NR4A3: variants seen among roughly 807,000 people sequenced by gnomAD.
NR4A3 encodes the protein nuclear receptor subfamily 4 group A member 3.
A neutral mutation model predicts 55.6 loss-of-function variants in NR4A3; 13 were observed. That is an observed-to-expected ratio of 0.23 (90% CI 0.15 to 0.37). NR4A3 has a LOEUF of 0.37. Among genes scored for constraint, NR4A3 ranks in the 10% least tolerant of loss-of-function variants. NR4A3 has a pLI of 1.00. For synonymous variants in NR4A3, 342 were observed against 357.9 expected (o/e 0.96, Z 0.50); for missense variants, 646 against 822.8 (o/e 0.79, Z 2.63).
chr9:99,846,954 T>C (rs1336974529), intron 6 of NR4A3, among the ~76,000 whole-genome samples: 6 of 152,192 alleles, frequency 3.9e-5, no homozygotes, highest in African/African-American at 7.2e-5. Context: ...GGCCAGGGAC[T>C]TGGTATTTTT....
intron 7 of NR4A3, among the ~76,000 whole-genome samples, chr9:99,850,874 G>A (rs1197835209): frequency 2.0e-5 from 3 of 152,166 alleles, no homozygotes; most frequent in African/African-American, 7.2e-5. Context: ...ATTCCCTCAA[G>A]TTAGGCATAT....
Position 99,828,928 on chromosome 9 carries a change from G to T in NR4A3, c.886G>T (p.Gly296Trp). 1 of 1,456,844 alleles carries T rather than the reference G, an allele frequency of 6.9e-7. No homozygotes were observed. The highest frequency in any genetic ancestry group is 2.7e-5 in the East Asian group (1 of 36,634). The allele number at this position is 1,456,844 out of a possible 1,614,324, so 90.2% of individuals were successfully genotyped here. ...SSGEGTCAVC[G>W]DNAACQHYGV... is the part of the protein sequence containing the mutation. The stretch of plus-strand genomic sequence containing the variant: ...TGGCGAGGGCACGTGTGCCGTGTGC[G>T]GGGACAACGCCGCCTGCCAGCACTA... Residue 296 changes from glycine to tryptophan, a missense_variant, in exon 3 of 8, where the codon GGG becomes TGG. Gly to Trp is a radical substitution (Grantham distance 184). Transcript: ENST00000395097. The surrounding 1 kb of genome is among the most constrained non-coding windows in gnomAD (Gnocchi z 7.7).
intron 7 of NR4A3, among the ~76,000 whole-genome samples, chr9:99,858,407 C>T (rs1228920162): frequency 6.6e-6 from 1 of 152,176 alleles, no homozygotes; most frequent in Admixed American, 6.5e-5. Flanking sequence ...GCCTGGATAG[C>T]CAAAATGCAC....
At position 99,828,821 on chromosome 9, in the gene NR4A3, G is replaced by C; in HGVS notation, c.779G>C (p.Gly260Ala). ...GCCCCGCTGGCCTTCCCGCCTCTCG[G>C]CCTCACGCCCTCCCCTACCGCGTCC... ...RAAPLAFPPL[G>A]LTPSPTASSL... Residue 260 changes from glycine to alanine, a missense_variant, in exon 3 of 8, where the codon GGC becomes GCC. Transcript: ENST00000395097. The surrounding 1 kb of genome is among the most constrained non-coding windows in gnomAD (Gnocchi z 7.7). The C allele has an allele frequency of 6.8e-7, 1 of 1,475,542 alleles. No homozygotes were observed. The allele number at this position is 1,475,542 out of a possible 1,614,324, so 91.4% of individuals were successfully genotyped here.
intron 3 of NR4A3, 98 bp downstream of exon 3, chr9:99,829,091 A>T: frequency 8.2e-7 from 1 of 1,219,368 alleles, no homozygotes; most frequent in Non-Finnish European, 1.0e-6. Flanking sequence ...CCGGTTTGAG[A>T]GCTGTAATCG....
chr9:99,845,008 A>G (rs1827728722), intron 6 of NR4A3, among the ~76,000 whole-genome samples, 160 bp downstream of exon 6: 1 of 152,210 alleles, frequency 6.6e-6, no homozygotes, highest in South Asian at 2.1e-4. Context: ...AGGGAGCACT[A>G]GGCTTGCCAC....
At chr9:99,829,435 T>C (rs1238026304) in intron 3 of NR4A3, among the ~76,000 whole-genome samples, 1 of 152,228 alleles carries the variant, frequency 6.6e-6, no homozygotes, top group East Asian at 1.9e-4. Flanking sequence ...ACATCTAAGA[T>C]TGAATTCTGG....
At chr9:99,824,878 G>A (rs550138156) in intron 1 of NR4A3, among the ~76,000 whole-genome samples, 20 of 152,182 alleles carry the variant, frequency 1.3e-4, no homozygotes, top group Non-Finnish European at 2.6e-4. Flanking sequence ...ATGTGCCCCC[G>A]CTAGGCCGCT....
At chr9:99,827,590 G>A (rs1327672591) in intron 2 of NR4A3, among the ~76,000 whole-genome samples, 1 of 152,148 alleles carries the variant, frequency 6.6e-6, no homozygotes, top group East Asian at 1.9e-4. Flanking sequence ...CCTAACTCAG[G>A]TTTACAAATC....
chr9:99,864,040 C>A lies in NR4A3; in HGVS notation c.*173C>A. The A allele has an allele frequency of 1.5e-6, 1 of 674,744 alleles. No homozygotes were observed. The highest frequency in any genetic ancestry group is 2.4e-6 in the Non-Finnish European group (1 of 423,876). The allele number at this position is 674,744 out of a possible 1,614,324, so 41.8% of individuals were successfully genotyped here. A position where few individuals can be genotyped will look rare whatever the true frequency, so the allele number is the denominator to read the frequency against. On this transcript the variant is annotated 3_prime_UTR_variant, in exon 8 of 8. Coordinates refer to ENST00000395097, the MANE Select transcript of NR4A3 (RefSeq NM_006981.4). ...GGCTCTTTTCCTTACAACCTAAAGC[C>A]AGAAAACTTGCAGAGTATTGTGTTG...
intron 5 of NR4A3, among the ~76,000 whole-genome samples, chr9:99,837,781 C>T (rs181040382): frequency 6.6e-6 from 1 of 152,100 alleles, no homozygotes; most frequent in African/African-American, 2.4e-5. Flanking sequence ...CTAGCTTCCC[C>T]CAGTGAGTCA....
Position 99,865,990 on chromosome 9 carries a change from G to A in NR4A3, c.*2123G>A, listed in dbSNP as rs1828091116. ...ACTCAAGGTCAAACAGCTGGTAACA[G>A]AATCAAGACTAAGACCTAATTTACC... is the stretch of plus-strand genomic sequence containing the variant. On this transcript the variant is annotated 3_prime_UTR_variant, in exon 8 of 8. Transcript: ENST00000395097. This position sits in a 1 kb window ranked among gnomAD's most constrained non-coding sequence, Gnocchi z 4.3. 5 of 218,976 alleles carry A rather than the reference G, an allele frequency of 2.3e-5. No homozygotes were observed. The East Asian group carries it at 3.4e-4, about 15-fold the overall frequency. The allele number at this position is 218,976 out of a possible 1,614,324, so 13.6% of individuals were successfully genotyped here.
intron 5 of NR4A3, among the ~76,000 whole-genome samples, chr9:99,842,310 GA>G (rs34939251): frequency 6.6e-6 from 1 of 152,008 alleles, no homozygotes; most frequent in Non-Finnish European, 1.5e-5. Flanking sequence ...TTCTTTCATT[GA>G]AAAAATATTC....
At chr9:99,834,910 G>C (rs1200000185) in intron 5 of NR4A3, 1 of 985,054 alleles carries the variant, frequency 1.0e-6, no homozygotes. Context: ...AATAGTGTAA[G>C]AGAATAAAGC....
At chr9:99,842,821 C>G (rs1211014665) in intron 5 of NR4A3, among the ~76,000 whole-genome samples, 1 of 152,138 alleles carries the variant, frequency 6.6e-6, no homozygotes, top group East Asian at 1.9e-4. Flanking sequence ...AGCATAAGTC[C>G]TGGCTGTACC....
intron 7 of NR4A3, among the ~76,000 whole-genome samples, chr9:99,848,748 G>A (rs1171062329): frequency 6.6e-6 from 1 of 152,226 alleles, no homozygotes; most frequent in East Asian, 1.9e-4. Flanking sequence ...AGGATCCCAA[G>A]GTGGGGTGGG....
In NR4A3 at chr9:99,832,656, A is replaced by G. The variant is rs373629986; in HGVS notation, c.952-33A>G. The G allele has an allele frequency of 9.2e-6, 14 of 1,514,648 alleles. No homozygotes were observed. The South Asian group carries it at 1.5e-4, about 17-fold the overall frequency. 93.8% of individuals were successfully genotyped at this position (1,514,648 alleles called of 1,614,324 possible). A position where few individuals can be genotyped will look rare whatever the true frequency, so the allele number is the denominator to read the frequency against. On this transcript the variant is annotated intron_variant, in intron 3 of 7. Transcript: ENST00000395097. ...CAGGTCCTACCTCTTTCCAGAAACT[A>G]TCAGTTGACTATCTTGTATTATATT...
At chr9:99,834,729 G>A (rs563573621) in intron 5 of NR4A3, 2 of 905,404 alleles carry the variant, frequency 2.2e-6, no homozygotes, top group South Asian at 1.0e-4. Context: ...TAGTGTACCT[G>A]CTGTGATCCT....
In NR4A3 at chr9:99,828,669, C is replaced by T; in HGVS notation, c.627C>T (p.His209=). The part of the protein sequence containing the change: ...HPPAPSPAGG[H]HLGYDPTAAA... ...CCGCGCCCAGCCCGGCCGGCGGCCA[C>T]CACCTCGGCTACGACCCGACGGCCG... The change falls in exon 3 of 8, where the codon CAC becomes CAT. Residue 209 remains histidine (H), a synonymous_variant. Transcript: ENST00000395097. The surrounding 1 kb of genome is among the most constrained non-coding windows in gnomAD (Gnocchi z 7.7). 1.4e-6 allele frequency: 2 copies of T among 1,412,766 alleles called. No homozygotes were observed. The highest frequency in any genetic ancestry group is 1.8e-6 in the Non-Finnish European group (2 of 1,091,112). 87.5% of individuals were successfully genotyped at this position (1,412,766 alleles called of 1,614,324 possible). A position where few individuals can be genotyped will look rare whatever the true frequency, so the allele number is the denominator to read the frequency against.
Sources: gnomAD v4.1 joint callset for allele counts (sites outside exome capture counted in the v4.1 genomes callset) on GRCh38, gnomAD v4.1.1 for gene constraint, Gnocchi (gnomAD v3.1) non-coding constraint, MANE v1.5 for transcripts, NCBI Gene and HGNC (gene_info 2026-07-23, HGNC 2026-07-21) for gene names.